Variants in NSUN7 observed in about 807,000 individuals in gnomAD.
NSUN7 encodes protein NSUN7.
NSUN7 carries 39 observed loss-of-function variants against 58.5 expected under a neutral mutation model. The observed-to-expected ratio is 0.67, with a 90% confidence interval of 0.52 to 0.87. NSUN7 has a LOEUF of 0.87. Ranked by LOEUF, NSUN7 falls within the 40% of genes least tolerant of loss-of-function variation. NSUN7 has a pLI of 0.00. For synonymous variants in NSUN7, 278 were observed against 303.7 expected, an observed-to-expected ratio of 0.92 and a Z score of 0.88; for missense variants, 765 against 844.1, an observed-to-expected ratio of 0.91 and a Z score of 1.16.
chr4:40,758,213 C>T (rs975023930), intron 2 of NSUN7, among the ~76,000 whole-genome samples: 2 of 152,140 alleles, frequency 1.3e-5, no homozygotes, highest in South Asian at 4.1e-4. Flanking sequence ...AGTCACCACA[C>T]CCGGCCAGCT....
At chr4:40,761,078 G>A in intron 3 of NSUN7, 93 bp from the exon 4 acceptor site, 1 of 1,017,962 alleles carries the variant, frequency 9.8e-7, no homozygotes, top group Non-Finnish European at 1.4e-6. Flanking sequence ...TTCCTGCTCT[G>A]TTATGAAAAA....
At chr4:40,808,215 T>G in intron 11 of NSUN7, 92 bp from the exon 12 acceptor site, 1 of 1,371,734 alleles carries the variant, frequency 7.3e-7, no homozygotes. Flanking sequence ...ATAAAGAGAG[T>G]CTTTTTATTT....
chr4:40,771,181 G>T (rs911772276), intron 4 of NSUN7, among the ~76,000 whole-genome samples: 9 of 152,192 alleles, frequency 5.9e-5, no homozygotes, highest in African/African-American at 2.2e-4. Context: ...TACAGGAAGG[G>T]CGGTGATGTA....
intron 7 of NSUN7, chr4:40,786,832 T>G: frequency 9.9e-7 from 1 of 1,015,226 alleles, no homozygotes. Flanking sequence ...CTATTAAAGC[T>G]TTGTTTTGTT....
rs190408419 is a variant in NSUN7 at position 40,792,722 on chromosome 4, A to G, written c.1181-1653A>G. 5.9e-5 allele frequency among the ~76,000 whole-genome samples: 9 copies of G among 151,926 alleles called. No individual in the cohort carries two copies. In the East Asian group the frequency reaches 9.7e-4, roughly 16 times the overall value. On this transcript the variant is annotated intron_variant, in intron 8 of 11. Coordinates refer to ENST00000381782, the MANE Select transcript of NSUN7 (RefSeq NM_024677.6). Reference sequence around the variant, plus strand: ...AGCCGAGATCGCGCCACTGCACTCCAGCCTGGGCGACAGCAAGACTCCATC... The same window carrying G: ...AGCCGAGATCGCGCCACTGCACTCCGGCCTGGGCGACAGCAAGACTCCATC...
chr4:40,788,735 C>T (rs530620207), intron 7 of NSUN7, among the ~76,000 whole-genome samples: 2 of 152,152 alleles, frequency 1.3e-5, no homozygotes, highest in Non-Finnish European at 2.9e-5. Context: ...GGTAACCGTG[C>T]CCTCTTCTCA....
Position 40,808,660 on chromosome 4 carries a change from A to C in NSUN7, c.1878A>C (p.Arg626Ser). 1 of 1,551,790 alleles carries C rather than the reference A, an allele frequency of 6.4e-7. No individual in the cohort carries two copies. Among genetic ancestry groups the C allele is most frequent in the African/African-American group, 1.4e-5 (1 of 73,026 alleles). The change falls in exon 12 of 12, where the codon AGA becomes AGC. Residue 626 changes from arginine to serine, a missense_variant. Arg to Ser is a moderately radical substitution (Grantham distance 110). Coordinates refer to ENST00000381782, the MANE Select transcript of NSUN7 (RefSeq NM_024677.6). ...TTGTGAAGAACACTTGTCCCTCCAGACCGCGTGAACGGCAGACACACTTCT... is the reference window on the plus strand; with the variant it reads ...TTGTGAAGAACACTTGTCCCTCCAGCCCGCGTGAACGGCAGACACACTTCT... Reference protein sequence around the residue: ...PAFVKNTCPSRPRERQTHFLR... With the variant: ...PAFVKNTCPSSPRERQTHFLR...
Position 40,807,186 on chromosome 4 carries a change from T to A in NSUN7, c.1524+2T>A, listed in dbSNP as rs1171498928. ...TTTCTTTCTATTTTAACAAGGGAGG[T>A]AAGGAAAAAAAATCCTAATCCATGT... On this transcript the variant is annotated splice_donor_variant, in intron 11 of 11. Transcript: ENST00000381782. LOFTEE classifies it high-confidence loss of function. The A allele has an allele frequency of 3.3e-6, 5 of 1,536,052 alleles. No homozygotes were observed. The highest frequency in any genetic ancestry group is 2.2e-5 in the Admixed American group (1 of 46,480).
intron 10 of NSUN7, among the ~76,000 whole-genome samples, chr4:40,802,644 T>TG (rs36009133): frequency 1.8e-4 from 27 of 150,502 alleles, no homozygotes; most frequent in East Asian, 1.4e-3. Context: ...TTTGTTTGTT[T>TG]TTTTGTATCA....
Position 40,786,744 on chromosome 4 carries a change from A to G in NSUN7, c.1037-3858A>G, listed in dbSNP as rs1192454835. The G allele has an allele frequency of 2.6e-6, 4 of 1,520,306 alleles. No individual in the cohort carries two copies. In the East Asian group the frequency reaches 9.0e-5, roughly 34 times the overall value. The allele number at this position is 1,520,306 out of a possible 1,614,324, so 94.2% of individuals were successfully genotyped here. On this transcript the variant is annotated intron_variant, in intron 7 of 11. Transcript: ENST00000381782. ...AATACCTATTATATCTGTGTGGAGT[A>G]GGTTTTCTCTGGTCTGATTTTGACA...
At position 40,799,848 on chromosome 4, in the gene NSUN7, C is replaced by G. The variant is rs141436927; in HGVS notation, c.1400+944C>G. Among the ~76,000 whole-genome samples the G allele has an allele frequency of 1.1e-4, 17 of 152,128 alleles. No homozygotes were observed. The East Asian group carries it at 3.1e-3, about 28-fold the overall frequency. ...GTTGCTTGTATTTCTTTTTAATATC[C>G]CAGAAATATTCAGCTCATTTTGGAC... is the stretch of plus-strand genomic sequence containing the variant. On this transcript the variant is annotated intron_variant, in intron 10 of 11. Transcript: ENST00000381782.
chr4:40,772,563 C>T (rs1256961078), intron 4 of NSUN7, among the ~76,000 whole-genome samples: 1 of 152,176 alleles, frequency 6.6e-6, no homozygotes, highest in African/African-American at 2.4e-5. Flanking sequence ...CATATACATA[C>T]ACATAATATT....
intron 7 of NSUN7, among the ~76,000 whole-genome samples, chr4:40,779,839 T>G (rs1742440199): frequency 6.6e-6 from 1 of 152,196 alleles, no homozygotes; most frequent in Admixed American, 6.5e-5. Context: ...GTTTTTGCTT[T>G]TCTAGGAAGT....
At chr4:40,777,583 T>C (rs963160155) in intron 7 of NSUN7, among the ~76,000 whole-genome samples, 2 of 152,224 alleles carry the variant, frequency 1.3e-5, no homozygotes, top group African/African-American at 4.8e-5. Context: ...CCCAAAGTGC[T>C]AGGATTACAG....
chr4:40,805,954 G>C (rs1743794060), intron 10 of NSUN7, among the ~76,000 whole-genome samples: 1 of 152,088 alleles, frequency 6.6e-6, no homozygotes. Flanking sequence ...TGATTCTCCT[G>C]CCTCAGACTC....
At chr4:40,768,478 C>T (rs1030993990) in intron 4 of NSUN7, among the ~76,000 whole-genome samples, 2 of 152,124 alleles carry the variant, frequency 1.3e-5, no homozygotes, top group African/African-American at 2.4e-5. Flanking sequence ...GTGTGAGCTG[C>T]CGTGCTCGGC....
chr4:40,760,614 G>A, intron 3 of NSUN7, 122 bp downstream of exon 3: 1 of 720,262 alleles, frequency 1.4e-6, no homozygotes, highest in Non-Finnish European at 2.2e-6. Flanking sequence ...TGTAATCCCA[G>A]CACTTTGGGA....
At chr4:40,794,072 T>C (rs994715952) in intron 8 of NSUN7, among the ~76,000 whole-genome samples, 24 of 152,166 alleles carry the variant, frequency 1.6e-4, no homozygotes, top group Non-Finnish European at 2.1e-4. Flanking sequence ...CTGACGGCAT[T>C]TTCTCTTCTG....
At position 40,810,028 on chromosome 4, in the gene NSUN7, A is replaced by AAAG. The variant is rs1304021889; in HGVS notation, c.*1090_*1092dup. ...TAAAAACATTCATAGACATATTCAT[A>AAAG]AAGTTTGAATTTAAAGTTTTATTTT... On this transcript the variant is annotated 3_prime_UTR_variant, in exon 12 of 12. Coordinates refer to ENST00000381782, the MANE Select transcript of NSUN7 (RefSeq NM_024677.6). 4 of 152,236 alleles carry AAAG rather than the reference A, an allele frequency of 2.6e-5. No individual in the cohort carries two copies. The highest frequency in any genetic ancestry group is 1.5e-5 in the Non-Finnish European group (1 of 68,040). 9.4% of individuals were successfully genotyped at this position (152,236 alleles called of 1,614,324 possible). A position where few individuals can be genotyped will look rare whatever the true frequency, so the allele number is the denominator to read the frequency against.
Sources: allele counts gnomAD v4.1 joint callset (sites outside exome capture counted in the v4.1 genomes callset), GRCh38; gene constraint gnomAD v4.1.1; transcripts MANE v1.5; gene names NCBI Gene and HGNC (gene_info 2026-07-23, HGNC 2026-07-21).